Variants in TNRC6B observed in about 807,000 individuals in gnomAD.
TNRC6B encodes trinucleotide repeat-containing gene 6B protein.
Under a neutral mutation model 203.6 loss-of-function variants are expected in TNRC6B, and 52 were observed. The ratio of observed to expected loss-of-function variants is 0.26; its 90% CI spans 0.20 to 0.32. The LOEUF is 0.32. Ranked by LOEUF, TNRC6B falls within the 10% of genes least tolerant of loss-of-function variation. The pLI is 1.00. For synonymous variants in TNRC6B, 838 were observed against 845.7 expected, an observed-to-expected ratio of 0.99 and a Z score of 0.16; for missense variants, 1,923 against 2,286.2, an observed-to-expected ratio of 0.84 and a Z score of 3.24.
intron 1 of TNRC6B, among the ~76,000 whole-genome samples, chr22:40,213,334 G>A (rs2069589810): frequency 6.6e-6 from 1 of 152,182 alleles, no homozygotes; most frequent in African/African-American, 2.4e-5. Context: ...TTTCCCAGAG[G>A]AGGCGGCACC....
chr22:40,310,749 A>C (rs925888342), intron 16 of TNRC6B, 68 bp from the exon 17 acceptor site: 17 of 1,464,110 alleles, frequency 1.2e-5, no homozygotes, highest in Non-Finnish European at 1.6e-5. Flanking sequence ...CATTCCAGCG[A>C]ATAAAAAATA....
chr22:40,163,327 G>A (rs901353928), intron 4 of TNRC6B, among the ~76,000 whole-genome samples: 1 of 149,096 alleles, frequency 6.7e-6, no homozygotes, highest in Non-Finnish European at 1.5e-5. Context: ...GAGCCTGAGA[G>A]GTAGTGGTGG....
chr22:40,117,587 G>T (rs1000684352), intron 2 of TNRC6B, among the ~76,000 whole-genome samples: 3 of 152,110 alleles, frequency 2.0e-5, no homozygotes, highest in Non-Finnish European at 4.4e-5. Flanking sequence ...ATTTCTGGTT[G>T]CTTTTTTAGT....
At chr22:40,254,216 G>A (rs906098805) in intron 3 of TNRC6B, among the ~76,000 whole-genome samples, 3 of 152,182 alleles carry the variant, frequency 2.0e-5, no homozygotes, top group Non-Finnish European at 4.4e-5. Flanking sequence ...TTGGATTTTA[G>A]AGTAGAACTA....
chr22:40,301,411 C>T (rs1305099142), intron 15 of TNRC6B, 78 bp downstream of exon 15: 2 of 1,420,020 alleles, frequency 1.4e-6, no homozygotes, highest in Non-Finnish European at 1.9e-6. Flanking sequence ...ACCTGCATTA[C>T]CCTCCTTTTT....
chr22:40,143,682 G>A (rs963107583), intron 3 of TNRC6B, among the ~76,000 whole-genome samples: 3 of 152,124 alleles, frequency 2.0e-5, no homozygotes, highest in African/African-American at 4.8e-5. Flanking sequence ...ATTTTTAGTA[G>A]AGACAGGGTT....
At chr22:40,151,714 T>C (rs1239300221) in intron 3 of TNRC6B, among the ~76,000 whole-genome samples, 8 of 151,614 alleles carry the variant, frequency 5.3e-5, no homozygotes. Context: ...ATTGTACATA[T>C]GTTAAAAGTT....
rs1445518009 is a variant in TNRC6B at position 40,305,889 on chromosome 22, C to T, written c.4121-2623C>T. On this transcript the variant is annotated intron_variant, in intron 15 of 22. Coordinates refer to ENST00000454349, the MANE Select transcript of TNRC6B (RefSeq NM_001162501.2). Reference sequence around the variant, plus strand: ...CATTCATTTTCTTTCCTTCTTTCCTCTTATGTTTCTCTTTTTTCGCTTTTT... The same window carrying T: ...CATTCATTTTCTTTCCTTCTTTCCTTTTATGTTTCTCTTTTTTCGCTTTTT... 3.3e-5 allele frequency among the ~76,000 whole-genome samples: 5 copies of T among 151,994 alleles called. No homozygotes were observed. The South Asian group carries it at 8.3e-4, about 25-fold the overall frequency.
chr22:40,182,326 T>C (rs1473736715), intron 1 of TNRC6B, among the ~76,000 whole-genome samples: 1 of 152,224 alleles, frequency 6.6e-6, no homozygotes, highest in East Asian at 1.9e-4. Context: ...ATTAGACTTC[T>C]TTAAGTGGAA....
At chr22:40,160,212 C>CA (rs1226901028) in intron 4 of TNRC6B, among the ~76,000 whole-genome samples, 2 of 152,144 alleles carry the variant, frequency 1.3e-5, no homozygotes, top group Non-Finnish European at 2.9e-5. Flanking sequence ...CGCGGTGACT[C>CA]ACGCCTGTAA....
intron 1 of TNRC6B, among the ~76,000 whole-genome samples, chr22:40,235,118 G>C (rs1227105151): frequency 1.3e-5 from 2 of 152,132 alleles, no homozygotes; most frequent in African/African-American, 4.8e-5. Flanking sequence ...CAATGGTTTT[G>C]TGGCTAGTTA....
At chr22:40,128,485 T>C (rs984066506) in intron 3 of TNRC6B, among the ~76,000 whole-genome samples, 1 of 151,826 alleles carries the variant, frequency 6.6e-6, no homozygotes, top group Non-Finnish European at 1.5e-5. Flanking sequence ...GTTCAATATA[T>C]TTTTTTTGAG....
At chr22:40,080,942 T>A (rs1455280415) in intron 1 of TNRC6B, among the ~76,000 whole-genome samples, 4 of 151,868 alleles carry the variant, frequency 2.6e-5, no homozygotes, top group African/African-American at 9.7e-5. Flanking sequence ...CTGCAAGCTC[T>A]GCCTCCTGGG....
chr22:40,301,239 G>T lies in TNRC6B; in HGVS notation c.4026G>T (p.Gly1342=). ...AGCACTCGCCCTCTCATCCTGTTGGGCCCAAGCCGCATCTGGACAACATGG... is the reference window on the plus strand; with the variant it reads ...AGCACTCGCCCTCTCATCCTGTTGGTCCCAAGCCGCATCTGGACAACATGG... The part of the protein sequence containing the change: ...GMKHSPSHPV[G]PKPHLDNMVP... Residue 1342 remains glycine, a synonymous_variant, in exon 15 of 23, where the codon GGG becomes GGT. Transcript: ENST00000454349. 1.9e-6 allele frequency: 3 copies of T among 1,563,402 alleles called. No individual in the cohort carries two copies. The highest frequency in any genetic ancestry group is 2.4e-5 in the South Asian group (2 of 85,100).
At position 40,280,082 on chromosome 22, in the gene TNRC6B, G is replaced by A; in HGVS notation, c.3350G>A (p.Gly1117Glu). 6.2e-7 allele frequency: 1 copy of A among 1,613,782 alleles called. No individual in the cohort carries two copies. The change falls in exon 10 of 23, where the codon GGG (glycine) becomes GAG (glutamate). Residue 1117 changes from glycine to glutamate, a missense_variant. By Grantham distance (98) the Gly-to-Glu change is moderately conservative. Coordinates refer to ENST00000454349, the MANE Select transcript of TNRC6B (RefSeq NM_001162501.2). ...FNDIMRKDRS[G>E]FRPPNSKDMG... ...GATATCATGAGGAAGGATCGATCTG[G>A]GTTCCGTCCACCTAATTCCAAAGAC... is the stretch of plus-strand genomic sequence containing the variant.
At chr22:40,238,959 T>G (rs2069987842) in intron 1 of TNRC6B, among the ~76,000 whole-genome samples, 1 of 152,062 alleles carries the variant, frequency 6.6e-6, no homozygotes, top group Non-Finnish European at 1.5e-5. Flanking sequence ...TCCTAGCACT[T>G]TGGGAGGCCA....
At chr22:40,152,699 T>C (rs8137853) in intron 3 of TNRC6B, among the ~76,000 whole-genome samples, 103,191 of 151,862 alleles carry the variant, frequency 0.68, 36,829 homozygotes, top group African/African-American at 0.9. Flanking sequence ...CCTTGATCTC[T>C]GGACCTTGTG....
intron 5 of TNRC6B, among the ~76,000 whole-genome samples, chr22:40,269,844 C>T (rs1227894175): frequency 2.1e-5 from 3 of 142,530 alleles, no homozygotes; most frequent in Admixed American, 7.5e-5. Flanking sequence ...GCCAAGACCA[C>T]GGCATTGCAC....
chr22:40,176,913 A>G (rs1438402001), upstream of TNRC6B, among the ~76,000 whole-genome samples: 1 of 152,160 alleles, frequency 6.6e-6, no homozygotes, highest in Non-Finnish European at 1.5e-5. Flanking sequence ...TCAGAGGTGA[A>G]AGAAACCAAA....
Sources: gnomAD v4.1 joint callset for allele counts (sites outside exome capture counted in the v4.1 genomes callset) on GRCh38, gnomAD v4.1.1 for gene constraint, MANE v1.5 for transcripts, NCBI Gene and HGNC (gene_info 2026-07-23, HGNC 2026-07-21) for gene names.